The following RIN2 variants were observed in gnomAD, a reference collection of about 807,000 sequenced individuals.
RIN2 encodes Ras and Rab interactor 2.
Under a neutral mutation model 78.0 loss-of-function variants are expected in RIN2, and 36 were observed. That is an observed-to-expected ratio of 0.46 (90% CI 0.35 to 0.61). The LOEUF is 0.61. Ranked by LOEUF, RIN2 falls within the 20% of genes least tolerant of loss-of-function variation. The pLI, the probability that RIN2 is intolerant of heterozygous loss-of-function variation, is 0.00. For synonymous variants in RIN2, 466 were observed against 466.8 expected (o/e 1.00, Z 0.02); for missense variants, 1,087 against 1,159.7 (o/e 0.94, Z 0.91).
intron 1 of RIN2, among the ~76,000 whole-genome samples, chr20:19,763,507 A>G (rs1270235152): frequency 6.7e-6 from 1 of 150,136 alleles, no homozygotes; most frequent in Admixed American, 6.8e-5. Flanking sequence ...AAACCACTCA[A>G]TAGCATAATC....
chr20:19,901,509 G>A (rs755663887), intron 3 of RIN2, among the ~76,000 whole-genome samples: 8 of 152,174 alleles, frequency 5.3e-5, no homozygotes, highest in East Asian at 1.9e-4. Context: ...ATTGAGGGGC[G>A]GCTCTTCCCC....
chr20:19,964,825 TC>T, intron 6 of RIN2, 126 bp from the exon 7 acceptor site: 1 of 766,534 alleles, frequency 1.3e-6, no homozygotes, highest in East Asian at 2.5e-5. Context: ...CACAGCTGGT[TC>T]TGATAAGCCA....
chr20:19,932,977 C>T (rs969343564), intron 3 of RIN2, among the ~76,000 whole-genome samples: 1 of 152,042 alleles, frequency 6.6e-6, no homozygotes, highest in Admixed American at 6.6e-5. Flanking sequence ...CTCTTTCTAC[C>T]ACCCCCACAT....
At chr20:19,853,098 G>A (rs2123204816) in intron 2 of RIN2, among the ~76,000 whole-genome samples, 1 of 140,298 alleles carries the variant, frequency 7.1e-6, no homozygotes, top group East Asian at 2.1e-4. Context: ...TGTTCTCATT[G>A]TTCAATTCCC....
chr20:19,864,751 A>G (rs1393770706), intron 2 of RIN2, among the ~76,000 whole-genome samples: 2 of 152,206 alleles, frequency 1.3e-5, no homozygotes, highest in African/African-American at 4.8e-5. Flanking sequence ...AATAGGCTAC[A>G]TATACTCGCT....
At chr20:19,873,752 G>A (rs761795839) in intron 2 of RIN2, among the ~76,000 whole-genome samples, 18 of 152,016 alleles carry the variant, frequency 1.2e-4, no homozygotes, top group Non-Finnish European at 2.4e-4. Flanking sequence ...GCATCTCTGT[G>A]GGCAACATTC....
At chr20:19,772,953 T>A (rs555548468) in intron 1 of RIN2, among the ~76,000 whole-genome samples, 104 of 152,152 alleles carry the variant, frequency 6.8e-4, no homozygotes, top group Non-Finnish European at 1.4e-3. Flanking sequence ...ATGCATTAAT[T>A]TTCTAGGGTT....
intron 5 of RIN2, among the ~76,000 whole-genome samples, chr20:19,957,092 G>T (rs998946896): frequency 2.0e-5 from 3 of 152,124 alleles, no homozygotes; most frequent in Non-Finnish European, 4.4e-5. Flanking sequence ...CAGAAGCCTG[G>T]GTCTGACCTC....
intron 4 of RIN2, among the ~76,000 whole-genome samples, chr20:19,938,617 CT>C (rs370729787): frequency 3.3e-4 from 50 of 152,300 alleles, no homozygotes; most frequent in African/African-American, 1.2e-3. Flanking sequence ...CCTCAGTGTT[CT>C]CCTCATTAAA....
intron 1 of RIN2, among the ~76,000 whole-genome samples, chr20:19,763,576 G>A (rs62200325): frequency 0.076 from 11,568 of 152,208 alleles, 438 homozygotes; most frequent in South Asian, 0.12. Flanking sequence ...TTTTGTAGCA[G>A]AAACTGTTTT....
chr20:19,996,245 C>T (rs984691145), intron 11 of RIN2, among the ~76,000 whole-genome samples: 3 of 152,106 alleles, frequency 2.0e-5, no homozygotes, highest in African/African-American at 7.2e-5. Context: ...ACCTGGGAGG[C>T]GGAGGTTGCA....
intron 3 of RIN2, among the ~76,000 whole-genome samples, chr20:19,917,248 C>G (rs1474741872): frequency 6.6e-6 from 1 of 152,068 alleles, no homozygotes; most frequent in African/African-American, 2.4e-5. Flanking sequence ...TGCCTTATTT[C>G]CTTTGTTTTA....
chr20:19,825,252 A>T (rs1388902709), intron 2 of RIN2, among the ~76,000 whole-genome samples: 1 of 152,162 alleles, frequency 6.6e-6, no homozygotes, highest in East Asian at 1.9e-4. Context: ...CTCTGCCTCT[A>T]GGAAATCTGA....
At chr20:19,773,684 C>T (rs2034213686) in intron 1 of RIN2, among the ~76,000 whole-genome samples, 1 of 151,988 alleles carries the variant, frequency 6.6e-6, no homozygotes, top group African/African-American at 2.4e-5. Flanking sequence ...CTGCTGAGTG[C>T]CAGGTACATC....
At chr20:19,929,194 C>G (rs955095609) in intron 3 of RIN2, among the ~76,000 whole-genome samples, 1 of 152,192 alleles carries the variant, frequency 6.6e-6, no homozygotes, top group African/African-American at 2.4e-5. Flanking sequence ...CACTCACTCA[C>G]CAGCTTTGCA....
At chr20:19,900,089 C>A (rs538018665) in intron 3 of RIN2, among the ~76,000 whole-genome samples, 1 of 152,318 alleles carries the variant, frequency 6.6e-6, no homozygotes, top group African/African-American at 2.4e-5. Context: ...TCTCTCAGTT[C>A]CAACCAATTC....
At chr20:19,883,902 AAAAG>A (rs2038101867) in intron 2 of RIN2, among the ~76,000 whole-genome samples, 1 of 152,028 alleles carries the variant, frequency 6.6e-6, no homozygotes, top group Non-Finnish European at 1.5e-5. Flanking sequence ...AAAAAAAAAA[AAAAG>A]GTTACTCTTA....
intron 2 of RIN2, among the ~76,000 whole-genome samples, chr20:19,884,330 T>G (rs1159561789): frequency 6.6e-6 from 1 of 151,744 alleles, no homozygotes; most frequent in Non-Finnish European, 1.5e-5. Context: ...GAGGCTGAGG[T>G]GGGAGAATCA....
chr20:19,994,368 G>T (rs1486742150), intron 11 of RIN2, among the ~76,000 whole-genome samples: 1 of 152,206 alleles, frequency 6.6e-6, no homozygotes, highest in Non-Finnish European at 1.5e-5. Context: ...AGTCCTCTTT[G>T]GTTTGCGGGG....
Sources: allele counts gnomAD v4.1 joint callset (sites outside exome capture counted in the v4.1 genomes callset), GRCh38; gene constraint gnomAD v4.1.1; transcripts MANE v1.5; gene names NCBI Gene and HGNC (gene_info 2026-07-23, HGNC 2026-07-21).